RBFOX3: variants seen among roughly 807,000 people sequenced by gnomAD.
The protein encoded by RBFOX3 is RNA binding protein fox-1 homolog 3.
A neutral mutation model predicts 48.7 loss-of-function variants in RBFOX3; 17 were observed. The ratio of observed to expected loss-of-function variants is 0.35; its 90% confidence interval spans 0.24 to 0.52. The LOEUF (loss-of-function observed/expected upper bound fraction) is 0.52, where lower values mean the gene tolerates loss of function less well. Among genes scored for constraint, RBFOX3 ranks in the 20% least tolerant of loss-of-function variants. The pLI, the probability that RBFOX3 is intolerant of heterozygous loss-of-function variation, is 0.94. For missense variants in RBFOX3, 382 were observed against 497.5 expected, an observed-to-expected ratio of 0.77 and a Z score of 2.21; for synonymous variants, 212 against 209.5, an observed-to-expected ratio of 1.01 and a Z score of -0.10.
intron 3 of RBFOX3, among the ~76,000 whole-genome samples, chr17:79,287,048 G>C (rs898615244): frequency 6.6e-6 from 1 of 152,262 alleles, no homozygotes; most frequent in Non-Finnish European, 1.5e-5. Flanking sequence ...CCCTGACGCA[G>C]CTCGAGGGGC....
intron 2 of RBFOX3, among the ~76,000 whole-genome samples, chr17:79,381,921 G>A (rs749546539): frequency 1.2e-4 from 19 of 152,150 alleles, no homozygotes; most frequent in East Asian, 3.9e-4. Context: ...AAATAAAACC[G>A]AAACCCGGTG....
intron 4 of RBFOX3, among the ~76,000 whole-genome samples, chr17:79,215,436 C>T (rs1343361048): frequency 6.6e-6 from 1 of 152,226 alleles, no homozygotes; most frequent in East Asian, 1.9e-4. Flanking sequence ...GGACGTAGCA[C>T]TGTCAACACG....
At chr17:79,157,680 G>A (rs914769431) in intron 4 of RBFOX3, among the ~76,000 whole-genome samples, 3 of 152,120 alleles carry the variant, frequency 2.0e-5, no homozygotes, top group Non-Finnish European at 2.9e-5. Flanking sequence ...GGGGACAGAG[G>A]CCAGGGCATC....
rs1402267519 is a variant in RBFOX3 at position 79,111,282 on chromosome 17, C to T, written c.222+4212G>A. ...GTGAGGGAGGTGCTGGCCCCTCAGA[C>T]ATCAGGCCCTTGCGGCCCACGTGGG... On this transcript the variant is annotated intron_variant, in intron 5 of 14. Transcript: ENST00000693108. This position sits in a 1 kb window ranked among gnomAD's most constrained non-coding sequence, Gnocchi z 4.2. Among the ~76,000 whole-genome samples the T allele has an allele frequency of 6.6e-6, 1 of 152,150 alleles. No individual in the cohort carries two copies. The highest frequency in any genetic ancestry group is 1.5e-5 in the Non-Finnish European group (1 of 68,020).
At chr17:79,326,644 G>A (rs1235850185) in intron 2 of RBFOX3, among the ~76,000 whole-genome samples, 1 of 152,148 alleles carries the variant, frequency 6.6e-6, no homozygotes, top group Non-Finnish European at 1.5e-5. Flanking sequence ...AGGTGCCCCT[G>A]GGCACTCCCT....
intron 3 of RBFOX3, among the ~76,000 whole-genome samples, chr17:79,250,362 A>T (rs1017306548): frequency 1.3e-5 from 2 of 152,234 alleles, no homozygotes; most frequent in African/African-American, 4.8e-5. Flanking sequence ...TTCATGCAGA[A>T]GGTCTTTGCT....
chr17:79,191,845 G>C (rs1442947947), intron 4 of RBFOX3, among the ~76,000 whole-genome samples: 2 of 152,198 alleles, frequency 1.3e-5, no homozygotes, highest in African/African-American at 4.8e-5. Context: ...AGAGCAAGGA[G>C]AAGGCAGGGT....
At chr17:79,483,010 T>A (rs1283919203) in intron 1 of RBFOX3, among the ~76,000 whole-genome samples, 2 of 151,434 alleles carry the variant, frequency 1.3e-5, no homozygotes, top group African/African-American at 4.9e-5. Context: ...GACCCACCAC[T>A]GTCCGCACTC....
intron 2 of RBFOX3, among the ~76,000 whole-genome samples, chr17:79,429,690 G>A (rs1555727420): frequency 1.3e-5 from 2 of 152,078 alleles, no homozygotes; most frequent in African/African-American, 4.8e-5. Context: ...CCAGAAACTA[G>A]GAGCTCCATT....
rs1453539931 is a variant in RBFOX3 at position 79,311,702 on chromosome 17, T to C, written c.-174-3878A>G. Among the ~76,000 whole-genome samples the C allele has an allele frequency of 6.6e-6, 1 of 152,164 alleles. No homozygotes were observed. Among genetic ancestry groups the C allele is most frequent in the Non-Finnish European group, 1.5e-5 (1 of 68,030 alleles). ...CGCAGGTTGGGCTCCTGGAGCTGAC[T>C]CTGTCCATCAACAGAACCAGACATC... On this transcript the variant is annotated intron_variant, in intron 2 of 14. Transcript: ENST00000693108. This position sits in a 1 kb window ranked among gnomAD's most constrained non-coding sequence, Gnocchi z 4.2.
intron 2 of RBFOX3, among the ~76,000 whole-genome samples, chr17:79,474,258 T>C (rs1479451473): frequency 6.6e-6 from 1 of 152,232 alleles, no homozygotes; most frequent in African/African-American, 2.4e-5. Flanking sequence ...CTTGATCATT[T>C]TGAATCTAAA....
At chr17:79,174,430 ACACT>A (rs1298171576) in intron 4 of RBFOX3, among the ~76,000 whole-genome samples, 14 of 151,714 alleles carry the variant, frequency 9.2e-5, no homozygotes, top group African/African-American at 3.2e-4. Context: ...GCACTCACAC[ACACT>A]GACACAATGC....
intron 3 of RBFOX3, among the ~76,000 whole-genome samples, chr17:79,256,075 G>A (rs532558516): frequency 1.3e-5 from 2 of 151,910 alleles, no homozygotes; most frequent in East Asian, 3.9e-4. Context: ...CGGACGGGAG[G>A]GGCTGACCTA....
intron 2 of RBFOX3, among the ~76,000 whole-genome samples, chr17:79,450,772 G>A (rs1200766124): frequency 2.6e-5 from 4 of 152,208 alleles, no homozygotes; most frequent in South Asian, 4.1e-4. Flanking sequence ...AGGATTCGAC[G>A]GAGCTCCCAG....
the RBFOX3 span, among the ~76,000 whole-genome samples, chr17:79,620,633 G>GCACATGCA: frequency 1.5e-3 from 11 of 7,272 alleles, no homozygotes; most frequent in Admixed American, 0.027. Flanking sequence ...ATGCACACAC[G>GCACATGCA]CACACGCACA....
rs2071669552 is a variant in RBFOX3 at position 79,443,820 on chromosome 17, G to C, written c.-175+38634C>G. 6.6e-6 allele frequency among the ~76,000 whole-genome samples: 1 copy of C among 152,150 alleles called. No homozygotes were observed. Among genetic ancestry groups the C allele is most frequent in the African/African-American group, 2.4e-5 (1 of 41,428 alleles). On this transcript the variant is annotated intron_variant, in intron 2 of 14. Coordinates refer to ENST00000693108, the MANE Select transcript of RBFOX3 (RefSeq NM_001350451.2). This position sits in a 1 kb window ranked among gnomAD's most constrained non-coding sequence, Gnocchi z 4.4. ...CCGACCCTTTATTTGCTGAGCCCCA[G>C]AGTGACCCTCTGGGATGATGGTGGG...
At chr17:79,143,883 G>C (rs2042451903) in intron 4 of RBFOX3, among the ~76,000 whole-genome samples, 1 of 152,250 alleles carries the variant, frequency 6.6e-6, no homozygotes, top group South Asian at 2.1e-4. Context: ...GGACACCCCA[G>C]TGGAGGGTGC....
At chr17:79,297,883 C>A (rs528232519) in intron 3 of RBFOX3, among the ~76,000 whole-genome samples, 2 of 152,248 alleles carry the variant, frequency 1.3e-5, no homozygotes, top group East Asian at 3.9e-4. Context: ...CTGACTATAC[C>A]CAAATGGTCA....
chr17:79,261,998 A>C (rs867048282), intron 3 of RBFOX3, among the ~76,000 whole-genome samples: 1 of 152,214 alleles, frequency 6.6e-6, no homozygotes, highest in Non-Finnish European at 1.5e-5. Flanking sequence ...GATCCTTCAC[A>C]CACTCCAAAA....
Sources: gnomAD v4.1 joint callset for allele counts (sites outside exome capture counted in the v4.1 genomes callset) on GRCh38, gnomAD v4.1.1 for gene constraint, Gnocchi (gnomAD v3.1) non-coding constraint, MANE v1.5 for transcripts, NCBI Gene and HGNC (gene_info 2026-07-23, HGNC 2026-07-21) for gene names.